The following OR4K1 variants were observed in gnomAD, a reference collection of about 807,000 sequenced individuals.
The protein encoded by OR4K1 is olfactory receptor 4K1.
Under a neutral mutation model 14.4 loss-of-function variants are expected in OR4K1, and 16 were observed. The ratio of observed to expected loss-of-function variants is 1.11; its 90% confidence interval spans 0.75 to 1.68. The LOEUF (loss-of-function observed/expected upper bound fraction) is 1.68, where lower values mean the gene tolerates loss of function less well. OR4K1 is among the 40% of genes most tolerant of loss of function. The pLI is 0.00. For synonymous variants in OR4K1, 181 were observed against 133.1 expected (o/e 1.36, Z -2.48); for missense variants, 548 against 376.9 (o/e 1.45, Z -3.76).
chr14:19,926,056 T>A (rs1392182114), upstream of OR4K1, among the ~76,000 whole-genome samples: 2 of 152,264 alleles, frequency 1.3e-5, no homozygotes, highest in Admixed American at 1.3e-4. Context: ...GTGTTTTACT[T>A]TTTAAACAAA....
Position 19,935,905 on chromosome 14 carries a change from A to G in OR4K1, c.239A>G (p.Lys80Arg). The G allele has an allele frequency of 6.2e-7, 1 of 1,614,218 alleles. No homozygotes were observed. The highest frequency in any genetic ancestry group is 2.2e-5 in the East Asian group (1 of 44,890). The part of the protein sequence containing the change: ...DICQSNFATP[K>R]MLVDFFIERK... ...TGTCAGTCTAACTTTGCCACCCCCA[A>G]GATGCTTGTAGACTTTTTTATTGAG... Residue 80 changes from lysine (K) to arginine (R), a missense_variant, in exon 2 of 2, where the codon AAG becomes AGG. Lys to Arg is a conservative substitution (Grantham distance 26). Transcript: ENST00000641172.
chr14:19,921,535 G>C, the OR4K1 span: 8 of 1,613,430 alleles, frequency 5.0e-6, no homozygotes, highest in South Asian at 7.7e-5. Flanking sequence ...AGGCCAAGGA[G>C]AATTTCTGAA....
At chr14:19,921,043 T>C in the OR4K1 span, 5 of 1,614,182 alleles carry the variant, frequency 3.1e-6, no homozygotes. Context: ...GTCTTGGTAA[T>C]GATCTCCTGG....
At chr14:19,933,213 G>T (rs746475668) in intron 1 of OR4K1, among the ~76,000 whole-genome samples, 1 of 145,148 alleles carries the variant, frequency 6.9e-6, no homozygotes, top group Non-Finnish European at 1.5e-5. Flanking sequence ...AAATTTATTT[G>T]CATGCTCTGT....
upstream of OR4K1, among the ~76,000 whole-genome samples, chr14:19,929,195 T>C (rs1882128700): frequency 1.3e-5 from 2 of 150,478 alleles, no homozygotes; most frequent in African/African-American, 2.4e-5. Context: ...GAATTTCATT[T>C]ATATAGTAAT....
rs1463738720 is a variant in OR4K1, at chr14:19,931,073, T to C, written c.-92T>C. On this transcript the variant is annotated 5_prime_UTR_variant, in exon 1 of 2. The change abolishes an upstream ATG in the 5' untranslated region. Transcript: ENST00000641172. Reference sequence around the variant, plus strand: ...AAGACTCATAGCAGAAAGTGGGAAATGGAAACAAACCAGAGGACACCAAAC... The same window carrying C: ...AAGACTCATAGCAGAAAGTGGGAAACGGAAACAAACCAGAGGACACCAAAC... 3.3e-5 allele frequency: 5 copies of C among 152,236 alleles called. No homozygotes were observed. The highest frequency in any genetic ancestry group is 1.2e-4 in the African/African-American group (5 of 41,398). The allele number at this position is 152,236 out of a possible 1,614,324, so 9.4% of individuals were successfully genotyped here.
At chr14:19,932,651 C>T (rs1198237428) in intron 1 of OR4K1, among the ~76,000 whole-genome samples, 3 of 152,250 alleles carry the variant, frequency 2.0e-5, no homozygotes, top group Non-Finnish European at 4.4e-5. Flanking sequence ...TCCTAGTCTA[C>T]TGTAGGAGTC....
chr14:19,928,382 A>G (rs1272941528), upstream of OR4K1, among the ~76,000 whole-genome samples: 2 of 152,198 alleles, frequency 1.3e-5, no homozygotes, highest in African/African-American at 4.8e-5. Flanking sequence ...GCTTTTAGCC[A>G]GGATCTCTTC....
chr14:19,921,368 C>T, the OR4K1 span: 1 of 1,614,164 alleles, frequency 6.2e-7, no homozygotes, highest in Non-Finnish European at 8.5e-7. Flanking sequence ...TTGGACCTTG[C>T]ATCTTCATCT....
chr14:19,931,241 A>G (rs1882177191), intron 1 of OR4K1, 96 bp downstream of exon 1: 1 of 152,332 alleles, frequency 6.6e-6, no homozygotes, highest in African/African-American at 2.4e-5. Flanking sequence ...AGAAGATAGC[A>G]AAGTGGAAGT....
At chr14:19,929,529 T>C (rs1882140253), upstream of OR4K1, among the ~76,000 whole-genome samples, 1 of 152,106 alleles carries the variant, frequency 6.6e-6, no homozygotes, top group African/African-American at 2.4e-5. Context: ...AAATATTTCT[T>C]GTCTACTGTC....
At chr14:19,922,014 A>G in the OR4K1 span, among the ~76,000 whole-genome samples, 2 of 152,214 alleles carry the variant, frequency 1.3e-5, no homozygotes, top group Admixed American at 6.5e-5. Flanking sequence ...GAATAGCCAA[A>G]CTACAATTTA....
In OR4K1 at chr14:19,936,436, T is replaced by A. The variant is rs779787154; in HGVS notation, c.770T>A (p.Phe257Tyr). ...VILFFGPCIY[F>Y]YIWPFSRLPV... is the part of the protein sequence containing the mutation. ...CTTTTCTTCGGGCCTTGCATTTATT[T>A]CTATATATGGCCTTTTAGCAGACTT... Residue 257 changes from phenylalanine to tyrosine, a missense_variant, in exon 2 of 2, where the codon TTC becomes TAC. Coordinates refer to ENST00000641172, the MANE Select transcript of OR4K1 (RefSeq NM_001004063.3). 3.1e-6 allele frequency: 5 copies of A among 1,614,160 alleles called. No homozygotes were observed. The Admixed American group carries it at 8.3e-5, about 27-fold the overall frequency.
At chr14:19,924,830 G>A in the OR4K1 span, among the ~76,000 whole-genome samples, 1 of 152,176 alleles carries the variant, frequency 6.6e-6, no homozygotes, top group Non-Finnish European at 1.5e-5. Flanking sequence ...AATGCTAAGA[G>A]CAATGAATTT....
At chr14:19,927,978 C>A (rs571856312), upstream of OR4K1, among the ~76,000 whole-genome samples, 335 of 152,286 alleles carry the variant, frequency 2.2e-3, no homozygotes, top group African/African-American at 7.3e-3. Context: ...ATCATGGATC[C>A]ATTTTTCTGG....
chr14:19,936,469 A>G lies in OR4K1; in HGVS notation c.803A>G (p.Asp268Gly), dbSNP rs773517370. 1 of 1,613,988 alleles carries G rather than the reference A, an allele frequency of 6.2e-7. No homozygotes were observed. Among genetic ancestry groups the G allele is most frequent in the South Asian group, 1.1e-5 (1 of 91,078 alleles). Reference sequence around the variant, plus strand: ...TGGCCTTTTAGCAGACTTCCTGTGGACAAATTTCTTTCTGTGTTCTACACT... The same window carrying G: ...TGGCCTTTTAGCAGACTTCCTGTGGGCAAATTTCTTTCTGTGTTCTACACT... ...YIWPFSRLPV[D>G]KFLSVFYTVC... Residue 268 changes from aspartate to glycine, a missense_variant, in exon 2 of 2, where the codon GAC becomes GGC. Coordinates refer to ENST00000641172, the MANE Select transcript of OR4K1 (RefSeq NM_001004063.3).
At chr14:19,930,367 T>C (rs1424833948), upstream of OR4K1, among the ~76,000 whole-genome samples, 4 of 152,138 alleles carry the variant, frequency 2.6e-5, no homozygotes, top group African/African-American at 2.4e-5. Context: ...AGAAAACTTA[T>C]ATAAAATATA....
the OR4K1 span, among the ~76,000 whole-genome samples, chr14:19,923,829 T>C: frequency 6.6e-6 from 1 of 152,248 alleles, no homozygotes; most frequent in Admixed American, 6.5e-5. Flanking sequence ...TTTTTAGAGT[T>C]ACTTTTTATT....
chr14:19,932,004 G>A (rs143795132), intron 1 of OR4K1, among the ~76,000 whole-genome samples: 1,731 of 152,110 alleles, frequency 0.011, 21 homozygotes, highest in African/African-American at 0.04. Flanking sequence ...ATACTATTGG[G>A]TAACTACCTT....
Sources: allele counts gnomAD v4.1 joint callset (sites outside exome capture counted in the v4.1 genomes callset), GRCh38; gene constraint gnomAD v4.1.1; transcripts MANE v1.5; gene names NCBI Gene and HGNC (gene_info 2026-07-23, HGNC 2026-07-21).